TNFRSF4: variants seen among roughly 807,000 people sequenced by gnomAD.
TNFRSF4 encodes TNF receptor superfamily member 4, also known as tumor necrosis factor receptor superfamily member 4.
TNFRSF4 carries 21 observed loss-of-function variants against 29.5 expected under a neutral mutation model. The observed-to-expected ratio is 0.71, with a 90% CI of 0.51 to 1.03. The LOEUF is 1.03. TNFRSF4 is among the 50% of genes least tolerant of loss of function. The pLI is 0.00. For synonymous variants in TNFRSF4, 197 were observed against 172.7 expected (o/e 1.14, Z -1.10); for missense variants, 408 against 387.8 (o/e 1.05, Z -0.44).
chr1:1,213,030 GC>G lies in TNFRSF4; in HGVS notation c.331del (p.Ala111ArgfsTer?). On this transcript the variant is annotated frameshift_variant, in exon 3 of 7. Transcript: ENST00000379236. LOFTEE classifies it high-confidence loss of function. ...GTAGCTGTCCAGGGGCTGGGTGCCCGCCCGGCAGCGGCAGACTGTGTCCTGT... is the reference window on the plus strand; with the variant it reads ...GTAGCTGTCCAGGGGCTGGGTGCCCGCCGGCAGCGGCAGACTGTGTCCTGT... ...ATQDTVCRCR[A>X]GTQPLDSYKP... The G allele has an allele frequency of 2.5e-6, 4 of 1,611,480 alleles. No homozygotes were observed. The highest frequency in any genetic ancestry group is 3.4e-6 in the Non-Finnish European group (4 of 1,179,500).
At position 1,213,978 on chromosome 1, in the gene TNFRSF4, C is replaced by T. The variant is rs1290256405; in HGVS notation, c.145+5G>A. On this transcript the variant is annotated splice_donor_5th_base_variant and intron_variant, in intron 1 of 6. Transcript: ENST00000379236. Reference sequence around the variant, plus strand: ...CGTGCGTGGCGACCCCTCCTGAGGCCTCACCTGGCCTGCACTCGTGGCAGC... The same window carrying T: ...CGTGCGTGGCGACCCCTCCTGAGGCTTCACCTGGCCTGCACTCGTGGCAGC... 3 of 1,598,530 alleles carry T rather than the reference C, an allele frequency of 1.9e-6. No individual in the cohort carries two copies. Among genetic ancestry groups the T allele is most frequent in the Non-Finnish European group, 1.7e-6 (2 of 1,174,754 alleles).
rs1557508399 is a variant in TNFRSF4, at chr1:1,213,682, G to GGGCTTGCAC, written c.240_248dup (p.Lys82_Cys84dup). Reference sequence around the variant, plus strand: ...GCTCACTGAGGTTACACCACGTGCAGGGCTTGCACGGCTTGGAGCTGACCA... The same window carrying GGGCTTGCAC: ...GCTCACTGAGGTTACACCACGTGCAGGGCTTGCACGGCTTGCACGGCTTGGAGCTGACCA... On this transcript the variant is annotated inframe_insertion, in exon 2 of 7. Transcript: ENST00000379236. 3 of 1,594,512 alleles carry GGGCTTGCAC rather than the reference G, an allele frequency of 1.9e-6. No homozygotes were observed. Among genetic ancestry groups the GGGCTTGCAC allele is most frequent in the South Asian group, 1.1e-5 (1 of 87,954 alleles).
In TNFRSF4 at chr1:1,211,927, G is replaced by A. The variant is rs1438663477; in HGVS notation, c.634+15C>T. 2 of 1,533,656 alleles carry A rather than the reference G, an allele frequency of 1.3e-6. No homozygotes were observed. Among genetic ancestry groups the A allele is most frequent in the African/African-American group, 2.7e-5 (2 of 72,768 alleles). On this transcript the variant is annotated intron_variant, in intron 5 of 6. Transcript: ENST00000379236. ...CGGGTTGGGGGCCCCGCTGGGCTGGGCCAGGCGCCCTTACCCCCGGGGACC... is the reference window on the plus strand; with the variant it reads ...CGGGTTGGGGGCCCCGCTGGGCTGGACCAGGCGCCCTTACCCCCGGGGACC...
In TNFRSF4 at chr1:1,212,103, G is replaced by T. The variant is rs568387291; in HGVS notation, c.473C>A (p.Ala158Asp). ...TLAGKHTLQP[A>D]SNSSDAICED... ...ACAGATTGCGTCCGAGCTATTGCTG[G>T]CCGGCTGCAGGGTGTGCTTCCCAGC... Residue 158 changes from alanine to aspartate, a missense_variant, in exon 5 of 7, where the codon GCC becomes GAC. Ala to Asp is a moderately radical substitution (Grantham distance 126). Coordinates refer to ENST00000379236, the MANE Select transcript of TNFRSF4 (RefSeq NM_003327.4). 1.2e-6 allele frequency: 2 copies of T among 1,612,620 alleles called. No homozygotes were observed. Among genetic ancestry groups the T allele is most frequent in the East Asian group, 4.5e-5 (2 of 44,882 alleles).
chr1:1,213,221 T>A (rs779346658), intron 2 of TNFRSF4, 128 bp from the exon 3 acceptor site: 8 of 1,534,760 alleles, frequency 5.2e-6, no homozygotes, highest in Non-Finnish European at 7.0e-6. Flanking sequence ...GTCTGCGGCC[T>A]CCCCTGAGAC....
At chr1:1,211,673 G>A (rs1441741136) in intron 6 of TNFRSF4, 31 bp downstream of exon 6, 1 of 1,580,918 alleles carries the variant, frequency 6.3e-7, no homozygotes, top group South Asian at 1.1e-5. Flanking sequence ...CACCCGCCAG[G>A]AGCAGTGCGG....
At chr1:1,213,432 G>C in intron 2 of TNFRSF4, 2 of 1,530,328 alleles carry the variant, frequency 1.3e-6, no homozygotes, top group Admixed American at 4.0e-5. Flanking sequence ...TGGCCAGCGT[G>C]GTCTCCCCGA....
Position 1,211,403 on chromosome 1 carries a change from C to T in TNFRSF4, c.*152G>A, listed in dbSNP as rs1259541419. The T allele has an allele frequency of 7.3e-6, 5 of 683,402 alleles. No individual in the cohort carries two copies. The East Asian group carries it at 1.7e-4, about 23-fold the overall frequency. The allele number at this position is 683,402 out of a possible 1,614,324, so 42.3% of individuals were successfully genotyped here. On this transcript the variant is annotated 3_prime_UTR_variant, in exon 7 of 7. Transcript: ENST00000379236. ...AGGAGGTATGCATGGCATACGTAAG[C>T]AGAGAGCCGGAGGCAGCCATCGGCA...
intron 3 of TNFRSF4, 57 bp downstream of exon 3, chr1:1,212,909 GGTCCCTGCGGCCCACGGCCCATCTGC>G (rs1400275095): frequency 7.0e-7 from 1 of 1,425,588 alleles, no homozygotes; most frequent in African/African-American, 1.4e-5. Flanking sequence ...GGTGGGGCCA[GGTCCCTGCGGCCCACGGCCCATCTGC>G]GTCACAGACA....
At chr1:1,211,665 C>T in intron 6 of TNFRSF4, 39 bp downstream of exon 6, 1 of 1,570,770 alleles carries the variant, frequency 6.4e-7, no homozygotes, top group Non-Finnish European at 8.6e-7. Context: ...GTGGGCCTCA[C>T]CCGCCAGGAG....
At position 1,211,827 on chromosome 1, in the gene TNFRSF4, C is replaced by A. The variant is rs1464191983; in HGVS notation, c.640G>T (p.Ala214Ser). Residue 214 changes from alanine (A) to serine (S), a missense_variant, in exon 6 of 7, where the codon GCG becomes TCG. Transcript: ENST00000379236. Reference protein sequence around the residue: ...TRPVEVPGGRAVAAILGLGLV... With the variant: ...TRPVEVPGGRSVAAILGLGLV... ...CCCAGGCCCAGGATGGCGGCAACCG[C>A]ACGGCCTGCAGGAAGGGGTCTGCTG... 11 of 1,546,334 alleles carry A rather than the reference C, an allele frequency of 7.1e-6. No individual in the cohort carries two copies.
intron 4 of TNFRSF4, 34 bp downstream of exon 4, chr1:1,212,604 C>CAG: frequency 2.8e-6 from 4 of 1,408,374 alleles, no homozygotes; most frequent in Non-Finnish European, 2.9e-6. Flanking sequence ...CAACCCCCCC[C>CAG]CAGCCCCTCC....
In TNFRSF4 at chr1:1,212,674, G is replaced by T; in HGVS notation, c.401C>A (p.Ser134Tyr). The change falls in exon 4 of 7, where the codon TCC (serine) becomes TAC (tyrosine). Residue 134 changes from serine (S) to tyrosine (Y), a missense_variant. By Grantham distance (144) the Ser-to-Tyr change is moderately radical. Transcript: ENST00000379236. ...DCAPCPPGHF[S>Y]PGDNQACKPW... ...CTTGCAGGCCTGGTTGTCGCCTGGG[G>T]AGAAGTGCCCTGGAGGGCAGGGGGC... 6.4e-7 allele frequency: 1 copy of T among 1,552,252 alleles called. No individual in the cohort carries two copies.
chr1:1,211,478 G>C lies in TNFRSF4; in HGVS notation c.*77C>G. 1 of 1,365,068 alleles carries C rather than the reference G, an allele frequency of 7.3e-7. No individual in the cohort carries two copies. The allele number at this position is 1,365,068 out of a possible 1,614,324, so 84.6% of individuals were successfully genotyped here. A position where few individuals can be genotyped will look rare whatever the true frequency, so the allele number is the denominator to read the frequency against. On this transcript the variant is annotated 3_prime_UTR_variant, in exon 7 of 7. Transcript: ENST00000379236. ...AGGAGCGTGGCGGGGCAGGCGGCCT[G>C]CACCTGCCCTGCTCGCCCAGCAGAC...
At position 1,214,024 on chromosome 1, in the gene TNFRSF4, G is replaced by A. The variant is rs915896849; in HGVS notation, c.104C>T (p.Thr35Ile). 1.9e-6 allele frequency: 3 copies of A among 1,604,800 alleles called. No individual in the cohort carries two copies. The highest frequency in any genetic ancestry group is 2.5e-6 in the Non-Finnish European group (3 of 1,178,096). The change falls in exon 1 of 7, where the codon ACC becomes ATC. Residue 35 changes from threonine to isoleucine, a missense_variant. Coordinates refer to ENST00000379236, the MANE Select transcript of TNFRSF4 (RefSeq NM_003327.4). The surrounding 1 kb of genome is among the most constrained non-coding windows in gnomAD (Gnocchi z 4.2). ...TVTGLHCVGD[T>I]YPSNDRCCHE... is the part of the protein sequence containing the mutation. ...GCAGCACCGGTCGTTGCTGGGGTAG[G>A]TGTCCCCGACACAGTGGAGCCCCGT...
chr1:1,211,540 C>T lies in TNFRSF4; in HGVS notation c.*15G>A. On this transcript the variant is annotated 3_prime_UTR_variant, in exon 7 of 7. Coordinates refer to ENST00000379236, the MANE Select transcript of TNFRSF4 (RefSeq NM_003327.4). The stretch of plus-strand genomic sequence containing the variant: ...CAGCCTGGCGGGGCCCAGCGTCCAC[C>T]TTGGTGGGCCCAGGTCAGATCTTGG... The T allele has an allele frequency of 6.7e-7, 1 of 1,485,032 alleles. No individual in the cohort carries two copies. Among genetic ancestry groups the T allele is most frequent in the South Asian group, 1.4e-5 (1 of 72,200 alleles). The allele number at this position is 1,485,032 out of a possible 1,614,324, so 92.0% of individuals were successfully genotyped here. A position where few individuals can be genotyped will look rare whatever the true frequency, so the allele number is the denominator to read the frequency against.
Position 1,213,708 on chromosome 1 carries a change from C to T in TNFRSF4, c.223G>A (p.Val75Met), listed in dbSNP as rs201012235. Residue 75 changes from valine (V) to methionine (M), a missense_variant, in exon 2 of 7, where the codon GTG (valine) becomes ATG (methionine). Val to Met is a conservative substitution (Grantham distance 21). Transcript: ENST00000379236. ...RPCGPGFYND[V>M]VSSKPCKPCT... ...GGCTTGCACGGCTTGGAGCTGACCA[C>T]GTCGTTGTAGAAGCCCGGCCCGCAC... The T allele has an allele frequency of 1.6e-5, 26 of 1,598,848 alleles. No homozygotes were observed. Among genetic ancestry groups the T allele is most frequent in the African/African-American group, 1.2e-4 (9 of 74,846 alleles).
rs755639648 is a variant in TNFRSF4, at chr1:1,213,174, G to T, written c.269-81C>A. The stretch of plus-strand genomic sequence containing the variant: ...AGGAAGCGTGGGCACTGGAGGACAG[G>T]TTGGCCTCCCCACCACACAGAGGGC... On this transcript the variant is annotated intron_variant, in intron 2 of 6. Coordinates refer to ENST00000379236, the MANE Select transcript of TNFRSF4 (RefSeq NM_003327.4). 9 of 1,540,596 alleles carry T rather than the reference G, an allele frequency of 5.8e-6. No homozygotes were observed. The Admixed American group carries it at 5.9e-5, about 10-fold the overall frequency.
In TNFRSF4 at chr1:1,214,003, C is replaced by T; in HGVS notation, c.125G>A (p.Cys42Tyr). The T allele has an allele frequency of 1.9e-6, 3 of 1,605,066 alleles. No homozygotes were observed. The highest frequency in any genetic ancestry group is 1.7e-6 in the Non-Finnish European group (2 of 1,178,066). Reference sequence around the variant, plus strand: ...CTCACCTGGCCTGCACTCGTGGCAGCACCGGTCGTTGCTGGGGTAGGTGTC... The same window carrying T: ...CTCACCTGGCCTGCACTCGTGGCAGTACCGGTCGTTGCTGGGGTAGGTGTC... Reference protein sequence around the residue: ...VGDTYPSNDRCCHECRPGNGM... With the variant: ...VGDTYPSNDRYCHECRPGNGM... The change falls in exon 1 of 7, where the codon TGC becomes TAC. Residue 42 changes from cysteine (C) to tyrosine (Y), a missense_variant. Coordinates refer to ENST00000379236, the MANE Select transcript of TNFRSF4 (RefSeq NM_003327.4). The surrounding 1 kb of genome is among the most constrained non-coding windows in gnomAD (Gnocchi z 4.2).
Sources: gnomAD v4.1 joint callset for allele counts on GRCh38, gnomAD v4.1.1 for gene constraint, Gnocchi (gnomAD v3.1) non-coding constraint, MANE v1.5 for transcripts, NCBI Gene and HGNC (gene_info 2026-07-23, HGNC 2026-07-21) for gene names.